Variants in DTNBP1 observed in about 807,000 individuals in gnomAD.
The protein encoded by DTNBP1 is dysbindin.
Under a neutral mutation model 42.8 loss-of-function variants are expected in DTNBP1, and 35 were observed. The observed-to-expected ratio is 0.82, with a 90% CI of 0.63 to 1.09. The LOEUF (loss-of-function observed/expected upper bound fraction) is 1.09, where lower values mean the gene tolerates loss of function less well. Among genes scored for constraint, DTNBP1 ranks in the 50% least tolerant of loss-of-function variants. The probability of loss-of-function intolerance (pLI) is 0.00; values close to 1 mark genes in which losing one functional copy is unlikely to be tolerated. For synonymous variants in DTNBP1, 171 were observed against 162.2 expected (o/e 1.05, Z -0.41); for missense variants, 457 against 424.2 (o/e 1.08, Z -0.68).
chr6:15,524,339 C>G, intron 9 of DTNBP1, 187 bp downstream of exon 9: 1 of 1,612,326 alleles, frequency 6.2e-7, no homozygotes, highest in Non-Finnish European at 8.5e-7. Flanking sequence ...GAATTCATGA[C>G]GGAACCACAC....
chr6:15,575,415 T>C (rs974047854), intron 7 of DTNBP1, among the ~76,000 whole-genome samples: 5 of 152,226 alleles, frequency 3.3e-5, no homozygotes, highest in African/African-American at 1.2e-4. Context: ...CCAAAATCAC[T>C]TGTTATGGGC....
At chr6:15,543,540 G>T (rs1773701398) in intron 7 of DTNBP1, among the ~76,000 whole-genome samples, 1 of 152,162 alleles carries the variant, frequency 6.6e-6, no homozygotes, top group Non-Finnish European at 1.5e-5. Flanking sequence ...TCAAAGTTTA[G>T]CCTGTTAACT....
intron 9 of DTNBP1, 168 bp downstream of exon 9, chr6:15,524,358 C>T (rs762411807): frequency 3.7e-6 from 6 of 1,613,336 alleles, no homozygotes; most frequent in Non-Finnish European, 4.2e-6. Context: ...ACCACTGTTG[C>T]AGCTGCCACA....
intron 3 of DTNBP1, among the ~76,000 whole-genome samples, chr6:15,648,046 A>C (rs1213086282): frequency 6.6e-6 from 1 of 152,088 alleles, no homozygotes; most frequent in Non-Finnish European, 1.5e-5. Context: ...CTGTGTTAAA[A>C]GCATTATACA....
chr6:15,634,399 C>T (rs1362566887), intron 4 of DTNBP1, among the ~76,000 whole-genome samples: 1 of 152,214 alleles, frequency 6.6e-6, no homozygotes, highest in Non-Finnish European at 1.5e-5. Context: ...TCATTACAAC[C>T]TCTGCCTCCC....
chr6:15,662,553 C>T (rs548201290), intron 1 of DTNBP1, among the ~76,000 whole-genome samples: 1 of 152,198 alleles, frequency 6.6e-6, no homozygotes. Flanking sequence ...CACACCCCCC[C>T]CGGGCGCTCC....
chr6:15,626,127 G>C (rs1162886992), intron 5 of DTNBP1, among the ~76,000 whole-genome samples: 1 of 152,128 alleles, frequency 6.6e-6, no homozygotes, highest in Non-Finnish European at 1.5e-5. Context: ...CTGATATTGA[G>C]GATATCATCA....
rs1418147861 is a variant in DTNBP1 at position 15,587,635 on chromosome 6, G to T, written c.511+5424C>A. ...AAAGGTGCCAAAGCAATTCAATGGG[G>T]AAAAGAAGCTCTTTTCAAAAAATAG... On this transcript the variant is annotated intron_variant, in intron 7 of 9. Coordinates refer to ENST00000344537, the MANE Select transcript of DTNBP1 (RefSeq NM_032122.5). The surrounding 1 kb of genome is among the most constrained non-coding windows in gnomAD (Gnocchi z 4.1). 1.3e-5 allele frequency among the ~76,000 whole-genome samples: 2 copies of T among 152,170 alleles called. No homozygotes were observed. Among genetic ancestry groups the T allele is most frequent in the Non-Finnish European group, 2.9e-5 (2 of 68,030 alleles).
rs759898596 is a variant in DTNBP1, at chr6:15,637,784, G to A, written c.182C>T (p.Ala61Val). ...LLSRYEDTWA[A>V]LHRRAKDCAS... ...ACAGTCTTTGGCTCTTCTGTGAAGT[G>A]CAGCCCATGTATCCTCATACCTAAA... Residue 61 changes from alanine to valine, a missense_variant, in exon 4 of 10, where the codon GCA (alanine) becomes GTA (valine). Physicochemically the swap from Ala to Val is moderately conservative, Grantham distance 64. Transcript: ENST00000344537. 9.3e-6 allele frequency: 15 copies of A among 1,613,480 alleles called. No homozygotes were observed. The highest frequency in any genetic ancestry group is 1.2e-5 in the Non-Finnish European group (14 of 1,179,990).
At chr6:15,553,692 A>G (rs1020529228) in intron 7 of DTNBP1, among the ~76,000 whole-genome samples, 9 of 145,872 alleles carry the variant, frequency 6.2e-5, no homozygotes. Context: ...CCTGAAAGCT[A>G]ATTCTTAAGT....
intron 1 of DTNBP1, among the ~76,000 whole-genome samples, chr6:15,659,794 C>T (rs957674342): frequency 1.3e-5 from 2 of 152,030 alleles, no homozygotes; most frequent in Admixed American, 1.3e-4. Flanking sequence ...CCTCATGATC[C>T]GCCTGCTTCG....
intron 7 of DTNBP1, among the ~76,000 whole-genome samples, chr6:15,566,749 T>C (rs547034470): frequency 2.0e-5 from 3 of 151,196 alleles, no homozygotes; most frequent in African/African-American, 7.3e-5. Context: ...CGTTCAGGAT[T>C]GAGTGCAGTG....
intron 7 of DTNBP1, among the ~76,000 whole-genome samples, chr6:15,574,433 C>T (rs1775476385): frequency 6.6e-6 from 1 of 152,198 alleles, no homozygotes; most frequent in Non-Finnish European, 1.5e-5. Flanking sequence ...TGAGGCTGAG[C>T]AGGGAAGGAC....
intron 4 of DTNBP1, among the ~76,000 whole-genome samples, chr6:15,635,194 T>C (rs972827382): frequency 4.6e-5 from 7 of 152,006 alleles, no homozygotes; most frequent in Non-Finnish European, 1.0e-4. Flanking sequence ...TCTCGGCTCA[T>C]TGCAACCTCT....
At chr6:15,530,277 T>G (rs1467506566) in intron 8 of DTNBP1, among the ~76,000 whole-genome samples, 2 of 152,208 alleles carry the variant, frequency 1.3e-5, no homozygotes, top group Admixed American at 6.5e-5. Flanking sequence ...TGCACAGACG[T>G]GCGATGAGAT....
At chr6:15,596,078 A>G (rs962574480) in intron 6 of DTNBP1, among the ~76,000 whole-genome samples, 1 of 152,182 alleles carries the variant, frequency 6.6e-6, no homozygotes, top group Non-Finnish European at 1.5e-5. Flanking sequence ...AATACTTGGC[A>G]AGAGCAATGT....
At chr6:15,632,689 T>A (rs1407428487) in intron 4 of DTNBP1, among the ~76,000 whole-genome samples, 2 of 152,264 alleles carry the variant, frequency 1.3e-5, no homozygotes, top group Non-Finnish European at 2.9e-5. Flanking sequence ...TTACCCTGAA[T>A]AGGTATTTAA....
At chr6:15,621,182 A>G (rs1759020814) in intron 5 of DTNBP1, among the ~76,000 whole-genome samples, 1 of 152,238 alleles carries the variant, frequency 6.6e-6, no homozygotes. Flanking sequence ...TCCTACAGGT[A>G]AAAGGAATTA....
intron 7 of DTNBP1, among the ~76,000 whole-genome samples, chr6:15,586,801 C>T (rs1024919355): frequency 5.3e-5 from 8 of 152,170 alleles, no homozygotes; most frequent in Admixed American, 2.0e-4. Context: ...CACCAATTAG[C>T]TTCTCAGGCT....
Sources: gnomAD v4.1 joint callset for allele counts (sites outside exome capture counted in the v4.1 genomes callset) on GRCh38, gnomAD v4.1.1 for gene constraint, Gnocchi (gnomAD v3.1) non-coding constraint, MANE v1.5 for transcripts, NCBI Gene and HGNC (gene_info 2026-07-23, HGNC 2026-07-21) for gene names.